EYS: variants seen among roughly 807,000 people sequenced by gnomAD.
The protein encoded by EYS is protein eyes shut homolog.
A neutral mutation model predicts 282.1 loss-of-function variants in EYS; 250 were observed. The ratio of observed to expected loss-of-function variants is 0.89; its 90% CI spans 0.80 to 0.98. The LOEUF (loss-of-function observed/expected upper bound fraction) is 0.98. Ranked by LOEUF, EYS falls within the 50% of genes least tolerant of loss-of-function variation. The probability of loss-of-function intolerance (pLI) is 0.00; values close to 1 mark genes in which losing one functional copy is unlikely to be tolerated. For synonymous variants in EYS, 1,355 were observed against 1,282.9 expected (o/e 1.06, Z -1.20); for missense variants, 4,016 against 3,709.0 (o/e 1.08, Z -2.15).
chr6:64,674,150 C>A (rs1444332753), intron 22 of EYS, among the ~76,000 whole-genome samples: 1 of 152,036 alleles, frequency 6.6e-6, no homozygotes, highest in East Asian at 1.9e-4. Flanking sequence ...AAAATCTATT[C>A]TTTACTGAGA....
At chr6:64,912,354 A>T in intron 16 of EYS, 130 bp downstream of exon 16, 1 of 677,748 alleles carries the variant, frequency 1.5e-6, no homozygotes, top group South Asian at 2.0e-5. Flanking sequence ...GAAGTTAGAT[A>T]GTCCCCTACC....
chr6:64,339,488 G>A (rs1454058459), intron 29 of EYS, among the ~76,000 whole-genome samples: 2 of 151,870 alleles, frequency 1.3e-5, no homozygotes, highest in East Asian at 3.9e-4. Flanking sequence ...GTGGATGTTG[G>A]AGTGATGTGA....
intron 13 of EYS, among the ~76,000 whole-genome samples, chr6:65,006,873 C>T (rs1287072169): frequency 6.6e-6 from 1 of 152,186 alleles, no homozygotes; most frequent in Non-Finnish European, 1.5e-5. Context: ...CTTACAGAAT[C>T]AAAAGACTAT....
At chr6:65,496,936 T>A (rs904075489) in intron 2 of EYS, among the ~76,000 whole-genome samples, 37 of 152,180 alleles carry the variant, frequency 2.4e-4, no homozygotes, top group African/African-American at 8.7e-4. Context: ...CAAATTTGAA[T>A]TATAAATTAC....
At chr6:64,250,392 G>A (rs948499305) in intron 30 of EYS, among the ~76,000 whole-genome samples, 2 of 152,126 alleles carry the variant, frequency 1.3e-5, no homozygotes, top group South Asian at 2.1e-4. Flanking sequence ...GCACGCAACC[G>A]TGGCCAGGGG....
intron 26 of EYS, among the ~76,000 whole-genome samples, chr6:64,488,324 C>T (rs997908532): frequency 2.7e-5 from 4 of 150,858 alleles, no homozygotes; most frequent in Non-Finnish European, 6.0e-5. Flanking sequence ...AGAATCACTC[C>T]AGATATAACA....
chr6:64,664,948 A>G (rs1181793869), intron 22 of EYS, among the ~76,000 whole-genome samples: 1 of 152,218 alleles, frequency 6.6e-6, no homozygotes, highest in Non-Finnish European at 1.5e-5. Flanking sequence ...GATTATGTAT[A>G]CCTATATTAA....
At chr6:64,969,908 A>G (rs1770229714) in intron 14 of EYS, among the ~76,000 whole-genome samples, 1 of 152,150 alleles carries the variant, frequency 6.6e-6, no homozygotes, top group Non-Finnish European at 1.5e-5. Context: ...AAACTTTCCA[A>G]TCTCATACTA....
chr6:65,289,976 C>T (rs1484703751), intron 12 of EYS, among the ~76,000 whole-genome samples: 1 of 151,006 alleles, frequency 6.6e-6, no homozygotes, highest in Non-Finnish European at 1.5e-5. Flanking sequence ...ATTTAGAAGT[C>T]TTTTCTTTCA....
intron 31 of EYS, among the ~76,000 whole-genome samples, chr6:64,195,901 A>T (rs1288285716): frequency 3.3e-5 from 5 of 152,216 alleles, no homozygotes; most frequent in Non-Finnish European, 7.3e-5. Flanking sequence ...ATGGGATCTC[A>T]TTAAACTAAA....
intron 29 of EYS, among the ~76,000 whole-genome samples, chr6:64,366,546 T>G (rs1251010784): frequency 2.0e-5 from 3 of 152,060 alleles, no homozygotes; most frequent in African/African-American, 7.2e-5. Flanking sequence ...TAAAATAAAT[T>G]GATATCTAAG....
At chr6:64,776,912 C>CCTGA (rs1173666381) in intron 22 of EYS, among the ~76,000 whole-genome samples, 2 of 152,102 alleles carry the variant, frequency 1.3e-5, no homozygotes, top group East Asian at 3.9e-4. Flanking sequence ...TAAGGACATG[C>CCTGA]CTGAGGCTAG....
rs891415949 is a variant in EYS at position 63,788,229 on chromosome 6, T to G, written c.7599A>C (p.Lys2533Asn). 1 of 1,536,634 alleles carries G rather than the reference T, an allele frequency of 6.5e-7. No homozygotes were observed. The highest frequency in any genetic ancestry group is 8.7e-7 in the Non-Finnish European group (1 of 1,142,888). ...CCAGTCTTCCTGGGGCGATAATGGA[T>G]TTATTTTTATGATCATCTACCTTCG... ...GWLKVDDHKN[K>N]SIIAPGRLVG... is the part of the protein sequence containing the mutation. Residue 2533 changes from lysine to asparagine, a missense_variant, in exon 39 of 43, where the codon AAA (lysine) becomes AAC (asparagine). By Grantham distance (94) the Lys-to-Asn change is moderately conservative (BLOSUM62 0). Transcript: ENST00000503581.
At chr6:64,397,625 T>C (rs1234224104) in intron 28 of EYS, among the ~76,000 whole-genome samples, 2 of 151,986 alleles carry the variant, frequency 1.3e-5, no homozygotes, top group Non-Finnish European at 2.9e-5. Flanking sequence ...ACATCTGCCA[T>C]TTTTTGGTAT....
intron 33 of EYS, among the ~76,000 whole-genome samples, chr6:64,024,358 C>T (rs1410552862): frequency 6.6e-6 from 1 of 152,120 alleles, no homozygotes; most frequent in Non-Finnish European, 1.5e-5. Flanking sequence ...TGTGGTGACA[C>T]TCTGTATCTA....
chr6:64,833,909 T>A (rs1765299760), intron 19 of EYS, among the ~76,000 whole-genome samples: 2 of 151,944 alleles, frequency 1.3e-5, no homozygotes, highest in Non-Finnish European at 2.9e-5. Context: ...ATGTTTCTCT[T>A]ATTTCTGACA....
chr6:65,198,037 C>G (rs1044512886), intron 12 of EYS, among the ~76,000 whole-genome samples: 3 of 152,068 alleles, frequency 2.0e-5, no homozygotes, highest in Admixed American at 6.6e-5. Context: ...GCTTAAAACA[C>G]AAGCACATTG....
chr6:64,449,506 T>C (rs1217556453), intron 26 of EYS, among the ~76,000 whole-genome samples: 2 of 151,904 alleles, frequency 1.3e-5, no homozygotes, highest in Admixed American at 6.6e-5. Context: ...ATACAGAGAA[T>C]GCCACAAAGA....
chr6:65,621,062 A>G (rs574215301), intron 2 of EYS, among the ~76,000 whole-genome samples: 11 of 152,276 alleles, frequency 7.2e-5, no homozygotes, highest in South Asian at 2.1e-4. Context: ...GTAGATATCT[A>G]TTAGGTCTGC....
Sources: gnomAD v4.1 joint callset for allele counts (sites outside exome capture counted in the v4.1 genomes callset) on GRCh38, gnomAD v4.1.1 for gene constraint, MANE v1.5 for transcripts, NCBI Gene and HGNC (gene_info 2026-07-23, HGNC 2026-07-21) for gene names.